SCHIP1: variants seen among roughly 807,000 people sequenced by gnomAD.
The protein encoded by SCHIP1 is schwannomin interacting protein 1.
A neutral mutation model predicts 29.7 loss-of-function variants in SCHIP1; 8 were observed. The ratio of observed to expected loss-of-function variants is 0.27; its 90% CI spans 0.16 to 0.49. The LOEUF (loss-of-function observed/expected upper bound fraction) is 0.49, where lower values mean the gene tolerates loss of function less well. SCHIP1 is among the 20% of genes least tolerant of loss of function. The probability of loss-of-function intolerance (pLI) is 0.99; values close to 1 mark genes in which losing one functional copy is unlikely to be tolerated. For missense variants in SCHIP1, 193 were observed against 294.6 expected (o/e 0.66, Z 2.52); for synonymous variants, 76 against 94.9 (o/e 0.80, Z 1.16).
chr3:159,273,504 C>T, the SCHIP1 span: 1 of 1,114,026 alleles, frequency 9.0e-7, no homozygotes, highest in Admixed American at 4.6e-5. Context: ...CCTCTGTTCT[C>T]CGAGTAGCCT....
At chr3:159,763,225 G>T in the SCHIP1 span, among the ~76,000 whole-genome samples, 1 of 151,544 alleles carries the variant, frequency 6.6e-6, no homozygotes, top group Non-Finnish European at 1.5e-5. Context: ...AAGGTGGAAG[G>T]GAAATGATGG....
the SCHIP1 span, among the ~76,000 whole-genome samples, chr3:159,560,770 C>G: frequency 6.6e-6 from 1 of 151,838 alleles, no homozygotes; most frequent in Non-Finnish European, 1.5e-5. Context: ...TGCTGATGAG[C>G]TGTGCTCACA....
chr3:159,851,161 A>C (rs565037317), intron 1 of SCHIP1, among the ~76,000 whole-genome samples: 1 of 152,158 alleles, frequency 6.6e-6, no homozygotes, highest in African/African-American at 2.4e-5. Context: ...TATAGTCCCT[A>C]TACTATCTAG....
the SCHIP1 span, among the ~76,000 whole-genome samples, chr3:159,507,079 T>C: frequency 1.3e-5 from 2 of 152,332 alleles, no homozygotes; most frequent in South Asian, 4.1e-4. Context: ...TTTCACGATA[T>C]TGATTCTTCC....
the SCHIP1 span, among the ~76,000 whole-genome samples, chr3:159,484,781 C>T: frequency 6.6e-6 from 1 of 152,136 alleles, no homozygotes; most frequent in East Asian, 1.9e-4. Flanking sequence ...TACAAAGCTC[C>T]ACAATGCATT....
At chr3:159,343,470 G>A in the SCHIP1 span, among the ~76,000 whole-genome samples, 1 of 152,154 alleles carries the variant, frequency 6.6e-6, no homozygotes, top group Non-Finnish European at 1.5e-5. Flanking sequence ...TTGGCTTCAG[G>A]CTTAGAACTG....
At chr3:159,851,750 G>A (rs577101605) in intron 1 of SCHIP1, among the ~76,000 whole-genome samples, 2 of 152,182 alleles carry the variant, frequency 1.3e-5, no homozygotes, top group African/African-American at 2.4e-5. Flanking sequence ...GGCCAGCATT[G>A]CCACAGCCCC....
chr3:159,800,707 A>G, the SCHIP1 span, among the ~76,000 whole-genome samples: 2 of 150,236 alleles, frequency 1.3e-5, no homozygotes, highest in South Asian at 4.2e-4. Flanking sequence ...CATGACCTGC[A>G]GTTTCCCTAA....
chr3:159,797,501 A>T, the SCHIP1 span, among the ~76,000 whole-genome samples: 1 of 152,228 alleles, frequency 6.6e-6, no homozygotes, highest in Non-Finnish European at 1.5e-5. Flanking sequence ...TCTGGAACAA[A>T]TGTAAATCTA....
intron 1 of SCHIP1, among the ~76,000 whole-genome samples, chr3:159,854,532 C>G (rs1006463491): frequency 6.6e-6 from 1 of 152,262 alleles, no homozygotes; most frequent in Middle Eastern, 3.4e-3. Flanking sequence ...GTTTTTCATC[C>G]CTTGTGATCC....
chr3:159,871,340 C>G (rs1370728199), intron 2 of SCHIP1, among the ~76,000 whole-genome samples: 1 of 108,672 alleles, frequency 9.2e-6, no homozygotes, highest in African/African-American at 3.8e-5. Flanking sequence ...TGCTTATCTT[C>G]TTACCCTGAT....
At chr3:159,871,301 C>T (rs954579820) in intron 2 of SCHIP1, among the ~76,000 whole-genome samples, 3 of 135,926 alleles carry the variant, frequency 2.2e-5, no homozygotes, top group Non-Finnish European at 3.0e-5. Context: ...TAAACGTTCT[C>T]GTACCCATCA....
the SCHIP1 span, among the ~76,000 whole-genome samples, chr3:159,493,171 G>A: frequency 6.6e-6 from 1 of 152,246 alleles, no homozygotes. Flanking sequence ...AGACCATCAA[G>A]GCTAGGAAGA....
chr3:159,590,588 T>C, the SCHIP1 span, among the ~76,000 whole-genome samples: 1 of 145,414 alleles, frequency 6.9e-6, no homozygotes, highest in Non-Finnish European at 1.5e-5. Context: ...AAAAAATAAA[T>C]AAAAATAAAG....
chr3:159,807,252 CCT>C, the SCHIP1 span, among the ~76,000 whole-genome samples: 5 of 152,124 alleles, frequency 3.3e-5, no homozygotes, highest in African/African-American at 9.7e-5. Context: ...TGAACAGTCC[CCT>C]GTTTTAACCT....
chr3:159,885,444 C>T (rs1367523352), intron 2 of SCHIP1, among the ~76,000 whole-genome samples: 6 of 152,242 alleles, frequency 3.9e-5, no homozygotes, highest in Non-Finnish European at 5.9e-5. Context: ...GGCAGCTACA[C>T]GGCCAGGTTA....
chr3:159,386,410 G>A, the SCHIP1 span, among the ~76,000 whole-genome samples: 4,143 of 152,240 alleles, frequency 0.027, 73 homozygotes, highest in East Asian at 0.11. Context: ...AACATTCCAC[G>A]CTCGTGGATA....
chr3:159,509,426 G>A, the SCHIP1 span, among the ~76,000 whole-genome samples: 1 of 152,142 alleles, frequency 6.6e-6, no homozygotes. Context: ...TATCCAATTT[G>A]CCAGTATGTG....
the SCHIP1 span, among the ~76,000 whole-genome samples, chr3:159,444,996 C>A: frequency 3.9e-5 from 6 of 152,058 alleles, no homozygotes; most frequent in East Asian, 3.9e-4. Flanking sequence ...ACACCAAAAG[C>A]AATGGCAACA....
Sources: gnomAD v4.1 joint callset for allele counts (sites outside exome capture counted in the v4.1 genomes callset) on GRCh38, gnomAD v4.1.1 for gene constraint, MANE v1.5 for transcripts, NCBI Gene and HGNC (gene_info 2026-07-23, HGNC 2026-07-21) for gene names.